MAML2: variants seen among roughly 807,000 people sequenced by gnomAD.
MAML2 encodes mastermind-like protein 2.
MAML2 carries 22 observed loss-of-function variants against 96.1 expected under a neutral mutation model. The ratio of observed to expected loss-of-function variants is 0.23; its 90% CI spans 0.16 to 0.33. MAML2 has a LOEUF of 0.33. MAML2 is among the 10% of genes least tolerant of loss of function. The pLI, the probability that MAML2 is intolerant of heterozygous loss-of-function variation, is 1.00. For missense variants in MAML2, 1,367 were observed against 1,392.4 expected, an observed-to-expected ratio of 0.98 and a Z score of 0.29; for synonymous variants, 561 against 521.3, an observed-to-expected ratio of 1.08 and a Z score of -1.04.
chr11:96,036,719 T>G (rs962250004), intron 2 of MAML2, among the ~76,000 whole-genome samples: 1 of 152,054 alleles, frequency 6.6e-6, no homozygotes, highest in Non-Finnish European at 1.5e-5. Context: ...TAAAAATAAC[T>G]CCGGGGCTGA....
At chr11:96,242,354 T>C (rs1792826934) in intron 1 of MAML2, among the ~76,000 whole-genome samples, 1 of 152,236 alleles carries the variant, frequency 6.6e-6, no homozygotes, top group African/African-American at 2.4e-5. Flanking sequence ...AATGCCCATG[T>C]ACTCTTATTT....
intron 1 of MAML2, among the ~76,000 whole-genome samples, chr11:96,276,069 G>A (rs1862984507): frequency 6.6e-6 from 1 of 152,120 alleles, no homozygotes; most frequent in Non-Finnish European, 1.5e-5. Context: ...TGTGCCTGAG[G>A]GGATTTTGCT....
chr11:96,216,620 CT>C (rs1326428732), intron 1 of MAML2, among the ~76,000 whole-genome samples: 1 of 152,082 alleles, frequency 6.6e-6, no homozygotes, highest in Non-Finnish European at 1.5e-5. Context: ...TAATAAAATG[CT>C]TATGGATCAT....
chr11:96,016,831 C>A (rs1369464309), intron 2 of MAML2, among the ~76,000 whole-genome samples: 2 of 152,046 alleles, frequency 1.3e-5, no homozygotes, highest in Non-Finnish European at 2.9e-5. Flanking sequence ...TAATCTGAGA[C>A]TTTTTTGAAT....
chr11:96,238,840 C>T (rs192929474), intron 1 of MAML2, among the ~76,000 whole-genome samples: 53 of 152,286 alleles, frequency 3.5e-4, no homozygotes, highest in Non-Finnish European at 5.4e-4. Flanking sequence ...AGAAACAGAA[C>T]TAAGCAAGAG....
chr11:96,341,426 G>A lies in MAML2; in HGVS notation c.470C>T (p.Pro157Leu). 1 of 1,547,654 alleles carries A rather than the reference G, an allele frequency of 6.5e-7. No individual in the cohort carries two copies. Among genetic ancestry groups the A allele is most frequent in the Admixed American group, 2.0e-5 (1 of 50,788 alleles). ...CCTCTGGTCCCCTGGGGTTGAAGCG[G>A]GCGGCTGCTGCTCTCCGTTTATCCC... ...SGGINGEQQPPASTPGDQRNS... is the reference protein window; with the variant it reads ...SGGINGEQQPLASTPGDQRNS... The change falls in exon 1 of 5, where the codon CCC (proline) becomes CTC (leucine). Residue 157 changes from proline to leucine, a missense_variant. By Grantham distance (98) the Pro-to-Leu change is moderately conservative. Coordinates refer to ENST00000524717, the MANE Select transcript of MAML2 (RefSeq NM_032427.4).
At chr11:96,119,748 A>G (rs1860303340) in intron 1 of MAML2, among the ~76,000 whole-genome samples, 1 of 152,052 alleles carries the variant, frequency 6.6e-6, no homozygotes, top group African/African-American at 2.4e-5. Context: ...TTCCTTCCCC[A>G]CACACCCTCT....
At chr11:96,024,991 A>T (rs1366529770) in intron 2 of MAML2, among the ~76,000 whole-genome samples, 1 of 152,210 alleles carries the variant, frequency 6.6e-6, no homozygotes, top group Non-Finnish European at 1.5e-5. Flanking sequence ...AGCAGTTTGG[A>T]GATTTCTCAA....
intron 1 of MAML2, among the ~76,000 whole-genome samples, chr11:96,135,021 G>T (rs116721575): frequency 0.053 from 8,138 of 152,270 alleles, 618 homozygotes; most frequent in African/African-American, 0.17. Context: ...ACATGCTATG[G>T]TTTGAATGTG....
intron 1 of MAML2, among the ~76,000 whole-genome samples, chr11:96,160,592 T>C (rs1195049097): frequency 6.6e-6 from 1 of 152,134 alleles, no homozygotes; most frequent in Non-Finnish European, 1.5e-5. Flanking sequence ...TATGTCCAGC[T>C]AATTTTTCTA....
At chr11:96,053,746 G>C (rs778163244) in intron 2 of MAML2, among the ~76,000 whole-genome samples, 1 of 152,196 alleles carries the variant, frequency 6.6e-6, no homozygotes, top group Non-Finnish European at 1.5e-5. Flanking sequence ...TATAAACTAA[G>C]AGGGAAGGAA....
chr11:96,214,793 A>T (rs1331626743), intron 1 of MAML2, among the ~76,000 whole-genome samples: 1 of 152,178 alleles, frequency 6.6e-6, no homozygotes. Flanking sequence ...TATGCTGAAA[A>T]CTATAGAAAG....
At chr11:96,262,570 C>T (rs1471602023) in intron 1 of MAML2, among the ~76,000 whole-genome samples, 1 of 151,946 alleles carries the variant, frequency 6.6e-6, no homozygotes, top group African/African-American at 2.4e-5. Context: ...CAGGTTGATG[C>T]CATTCTCCTG....
intron 2 of MAML2, among the ~76,000 whole-genome samples, chr11:96,079,658 C>T: frequency 6.6e-6 from 1 of 152,230 alleles, no homozygotes; most frequent in East Asian, 1.9e-4. Context: ...TTTGCATACT[C>T]TGTGGCACCA....
chr11:96,144,562 A>T (rs535521392), intron 1 of MAML2, among the ~76,000 whole-genome samples: 1 of 152,178 alleles, frequency 6.6e-6, no homozygotes, highest in Non-Finnish European at 1.5e-5. Flanking sequence ...CTTCCCCTCC[A>T]TGTAGCTGAC....
At chr11:96,057,809 C>T (rs1859092634) in intron 2 of MAML2, among the ~76,000 whole-genome samples, 1 of 152,114 alleles carries the variant, frequency 6.6e-6, no homozygotes, top group South Asian at 2.1e-4. Context: ...CAAAATATAC[C>T]AAACACAATT....
In MAML2 at chr11:96,221,665, G is replaced by A. The variant is rs943100389; in HGVS notation, c.513+119718C>T. On this transcript the variant is annotated intron_variant, in intron 1 of 4. Coordinates refer to ENST00000524717, the MANE Select transcript of MAML2 (RefSeq NM_032427.4). ...CTTTGCTTCTGCACAGTATAGGGAA[G>A]ATGTGAGTGGCAGTTCAGTCAAGCT... Among the ~76,000 whole-genome samples, 47 of 143,674 alleles carry A rather than the reference G, an allele frequency of 3.3e-4. 1 individual carries two copies. Among genetic ancestry groups the A allele is most frequent in the Non-Finnish European group, 6.4e-4 (42 of 66,090 alleles). The allele number at this position is 143,674 out of a possible 152,430, so 94.3% of individuals were successfully genotyped here.
In MAML2 at chr11:96,106,004, G is replaced by A. The variant is rs376221847; in HGVS notation, c.514-12487C>T. ...CCTGAATGCAGACTTTTTTAACCAG[G>A]CATTAAAATCCCACTACTTGCCACT... On this transcript the variant is annotated intron_variant, in intron 1 of 4. Transcript: ENST00000524717. Among the ~76,000 whole-genome samples, 68 of 152,210 alleles carry A rather than the reference G, an allele frequency of 4.5e-4. 2 individuals carry two copies. The South Asian group carries it at 0.013, about 30-fold the overall frequency.
chr11:96,272,807 T>C (rs952034580), intron 1 of MAML2, among the ~76,000 whole-genome samples: 3 of 152,226 alleles, frequency 2.0e-5, no homozygotes. Flanking sequence ...TTAAGCTATT[T>C]AAGCCTTCGA....
Sources: gnomAD v4.1 joint callset for allele counts (sites outside exome capture counted in the v4.1 genomes callset) on GRCh38, gnomAD v4.1.1 for gene constraint, MANE v1.5 for transcripts, NCBI Gene and HGNC (gene_info 2026-07-23, HGNC 2026-07-21) for gene names.